Variants in MCF2 observed in about 807,000 individuals in gnomAD.
MCF2 encodes the protein proto-oncogene DBL.
MCF2 carries 44 observed loss-of-function variants against 82.5 expected under a neutral mutation model. The ratio of observed to expected loss-of-function variants is 0.53; its 90% CI spans 0.42 to 0.69. MCF2 has a LOEUF of 0.69. Among genes scored for constraint, MCF2 ranks in the 30% least tolerant of loss-of-function variants. The pLI is 0.00. For synonymous variants in MCF2, 217 were observed against 224.9 expected (o/e 0.96, Z 0.32); for missense variants, 623 against 663.1 (o/e 0.94, Z 0.66).
intron 12 of MCF2, among the ~76,000 whole-genome samples, chrX:139,606,638 C>T (rs1290464828): frequency 4.5e-5 from 5 of 111,749 alleles, no homozygotes; most frequent in Admixed American, 9.5e-5. Flanking sequence ...GGATTGCAGG[C>T]GTGAATAACC....
At chrX:139,669,158 G>C (rs1247493288) in intron 1 of MCF2, among the ~76,000 whole-genome samples, 2 of 111,748 alleles carry the variant, frequency 1.8e-5, no homozygotes. Flanking sequence ...CATGTATCTA[G>C]AATATAAAGA....
intron 1 of MCF2, among the ~76,000 whole-genome samples, chrX:139,676,435 G>A (rs1001381401): frequency 8.9e-6 from 1 of 111,802 alleles, no homozygotes; most frequent in Non-Finnish European, 1.9e-5. Flanking sequence ...GACTGGAGCC[G>A]TTCCTATTTG....
At chrX:139,624,343 C>A (rs1444436699) in intron 6 of MCF2, among the ~76,000 whole-genome samples, 1 of 109,791 alleles carries the variant, frequency 9.1e-6, no homozygotes, top group Non-Finnish European at 1.9e-5. Flanking sequence ...GAGTTGCAGA[C>A]CAGCCTGGGC....
chrX:139,642,057 T>C (rs1047059301), intron 1 of MCF2, among the ~76,000 whole-genome samples: 3 of 111,448 alleles, frequency 2.7e-5, no homozygotes, highest in African/African-American at 9.8e-5. Context: ...TAAGTGATGA[T>C]GGAATCCCCT....
intron 13 of MCF2, 26 bp downstream of exon 17, chrX:139,605,687 G>A: frequency 8.6e-7 from 1 of 1,168,960 alleles, no homozygotes; most frequent in Non-Finnish European, 1.2e-6. Context: ...GGAAAAGATA[G>A]GGCAAATACA....
At chrX:139,600,996 CT>C (rs1369123757) in intron 16 of MCF2, among the ~76,000 whole-genome samples, 6 of 111,175 alleles carry the variant, frequency 5.4e-5, no homozygotes, top group Non-Finnish European at 1.1e-4. Context: ...AAATAGAATT[CT>C]ATTAAAAGAA....
At chrX:139,611,095 G>T (rs1931458734) in intron 10 of MCF2, among the ~76,000 whole-genome samples, 1 of 112,036 alleles carries the variant, frequency 8.9e-6, no homozygotes, top group African/African-American at 3.2e-5. Flanking sequence ...CCGAAGGCAT[G>T]GTCCAACCAA....
rs185523573 is a variant in MCF2 at position 139,599,385 on chromosome X, G to A, written c.1837-887C>T. Among the ~76,000 whole-genome samples, 686 of 109,713 alleles carry A rather than the reference G, an allele frequency of 6.3e-3. 5 individuals are homozygous for A. Among genetic ancestry groups the A allele is most frequent in the African/African-American group, 0.021 (635 of 30,258 alleles). On this transcript the variant is annotated intron_variant, in intron 16 of 24. Coordinates refer to ENST00000370576, the Ensembl canonical transcript of MCF2. Reference sequence around the variant, plus strand: ...CTAGGCAAAATCACAAAGTTATGAAGAAGATAAGCAAGGGGAAAACTTCCG... The same window carrying A: ...CTAGGCAAAATCACAAAGTTATGAAAAAGATAAGCAAGGGGAAAACTTCCG...
chrX:139,581,881 A>G (rs1326687678), exon 25 of MCF2: 1 of 112,760 alleles, frequency 8.9e-6, no homozygotes, highest in African/African-American at 3.2e-5. Flanking sequence ...GAAATCCAGA[A>G]AAAAAGTGTG....
At chrX:139,666,957 C>T (rs2148546497) in intron 1 of MCF2, among the ~76,000 whole-genome samples, 1 of 111,452 alleles carries the variant, frequency 9.0e-6, no homozygotes, top group East Asian at 2.8e-4. Context: ...GACCTGTCTT[C>T]ATGTTCCATG....
At chrX:139,639,741 C>A (rs1053742061) in intron 1 of MCF2, among the ~76,000 whole-genome samples, 1 of 111,730 alleles carries the variant, frequency 9.0e-6, no homozygotes, top group East Asian at 2.8e-4. Flanking sequence ...CAATTCATCA[C>A]CCTATGCACA....
At chrX:139,693,863 G>A (rs1969589429) in intron 1 of MCF2, among the ~76,000 whole-genome samples, 1 of 112,200 alleles carries the variant, frequency 8.9e-6, no homozygotes, top group Non-Finnish European at 1.9e-5. Context: ...AGTTTCCATA[G>A]CATAATTTAA....
intron 1 of MCF2, among the ~76,000 whole-genome samples, chrX:139,653,368 C>G (rs1251861720): frequency 8.9e-6 from 1 of 111,908 alleles, no homozygotes; most frequent in Non-Finnish European, 1.9e-5. Flanking sequence ...AATAGGAGAC[C>G]CAAATTTCTC....
At chrX:139,603,865 G>A (rs1930763235) in intron 15 of MCF2, among the ~76,000 whole-genome samples, 2 of 111,509 alleles carry the variant, frequency 1.8e-5, no homozygotes, top group South Asian at 7.5e-4. Context: ...AATAAATAAA[G>A]TTAGAACACG....
chrX:139,626,372 G>A lies in MCF2; in HGVS notation c.573-65C>T, dbSNP rs772894095. On this transcript the variant is annotated intron_variant, in intron 5 of 24. Transcript: ENST00000370576. The stretch of plus-strand genomic sequence containing the variant: ...ATCTGTTTTGTAAGTATGTAGATAA[G>A]TGTGGTCTGGACATTAAGAATTATA... 6.5e-4 allele frequency: 451 copies of A among 698,093 alleles called. 1 individual carries two copies. The highest frequency in any genetic ancestry group is 9.3e-4 in the Non-Finnish European group (419 of 452,832). 57.5% of individuals were successfully genotyped at this position (698,093 alleles called of 1,213,427 possible).
chrX:139,696,720 G>A (rs1935393705), intron 1 of MCF2, among the ~76,000 whole-genome samples: 1 of 111,639 alleles, frequency 9.0e-6, no homozygotes, highest in South Asian at 3.8e-4. Flanking sequence ...TTAGGCATAG[G>A]TTTTGAGAAA....
intron 1 of MCF2, among the ~76,000 whole-genome samples, chrX:139,673,588 A>T (rs1208164266): frequency 8.9e-6 from 1 of 112,216 alleles, no homozygotes; most frequent in Non-Finnish European, 1.9e-5. Context: ...GTGGTCATCC[A>T]GGAGCAAGTT....
intron 2 of MCF2, 87 bp downstream of exon 2, chrX:139,651,633 G>C: frequency 1.9e-6 from 1 of 513,321 alleles, no homozygotes; most frequent in Non-Finnish European, 3.3e-6. Flanking sequence ...TATATATAGA[G>C]AGCGAGCTAT....
intron 23 of MCF2, 124 bp from the exon 28 acceptor site, chrX:139,585,302 G>A (rs1363035804): frequency 2.6e-5 from 12 of 453,670 alleles, no homozygotes; most frequent in Middle Eastern, 4.2e-4. Flanking sequence ...CCAATCTAAT[G>A]TAAGCAGCAA....
Sources: allele counts gnomAD v4.1 joint callset (sites outside exome capture counted in the v4.1 genomes callset), GRCh38; gene constraint gnomAD v4.1.1; transcripts MANE v1.5; gene names NCBI Gene and HGNC (gene_info 2026-07-23, HGNC 2026-07-21).